Variants in ATIC observed in about 807,000 individuals in gnomAD.
ATIC encodes the protein bifunctional purine biosynthesis protein ATIC.
A neutral mutation model predicts 72.5 loss-of-function variants in ATIC; 64 were observed. That is an observed-to-expected ratio of 0.88 (90% confidence interval 0.72 to 1.09). ATIC has a LOEUF of 1.09. ATIC is among the 50% of genes least tolerant of loss of function. The probability of loss-of-function intolerance (pLI) is 0.00; values close to 1 mark genes in which losing one functional copy is unlikely to be tolerated. For synonymous variants in ATIC, 281 were observed against 267.1 expected (o/e 1.05, Z -0.51); for missense variants, 787 against 732.4 (o/e 1.07, Z -0.86).
At position 215,312,707 on chromosome 2, in the gene ATIC, G is replaced by C. The variant is rs1015993797; in HGVS notation, c.146+83G>C. ...GTATTCCAGGCACCAGCAGCAAAAC[G>C]CCTTATTTACTCCTCCCAGTAGCGC... On this transcript the variant is annotated intron_variant, in intron 2 of 15. Coordinates refer to ENST00000236959, the MANE Select transcript of ATIC (RefSeq NM_004044.7). 10 of 1,598,132 alleles carry C rather than the reference G, an allele frequency of 6.3e-6. No individual in the cohort carries two copies. The African/African-American group carries it at 1.2e-4, about 19-fold the overall frequency.
chr2:215,334,888 G>T, intron 9 of ATIC, 31 bp from the exon 10 acceptor site: 6 of 1,557,948 alleles, frequency 3.9e-6, no homozygotes, highest in Non-Finnish European at 5.3e-6. Flanking sequence ...GATACTTTGT[G>T]ATAAATACCT....
chr2:215,367,417 G>A, the ATIC span, among the ~76,000 whole-genome samples: 3 of 152,244 alleles, frequency 2.0e-5, no homozygotes, highest in Non-Finnish European at 4.4e-5. Flanking sequence ...GTGTGCATGG[G>A]TACTATGATA....
At chr2:215,364,841 T>TA in the ATIC span, 2 of 1,398,266 alleles carry the variant, frequency 1.4e-6, no homozygotes, top group Non-Finnish European at 2.0e-6. Flanking sequence ...CCCTTTATCT[T>TA]ATCTAACTTG....
chr2:215,328,422 C>A (rs568437804), intron 7 of ATIC, among the ~76,000 whole-genome samples: 1 of 152,254 alleles, frequency 6.6e-6, no homozygotes, highest in Non-Finnish European at 1.5e-5. Flanking sequence ...CTATCTGCCC[C>A]CTCAGCAGCT....
chr2:215,348,906 C>G (rs756748149), intron 14 of ATIC, 188 bp from the exon 15 acceptor site: 1 of 387,564 alleles, frequency 2.6e-6, no homozygotes, highest in Non-Finnish European at 4.4e-6. Flanking sequence ...TGCGGTGAGC[C>G]GAGATCGCAC....
At chr2:215,328,341 T>C (rs1315235445) in intron 7 of ATIC, among the ~76,000 whole-genome samples, 1 of 152,192 alleles carries the variant, frequency 6.6e-6, no homozygotes. Context: ...CAGACCCTAC[T>C]TAAAGCCATT....
chr2:215,331,340 A>G (rs1013923757), intron 7 of ATIC, among the ~76,000 whole-genome samples: 1 of 151,086 alleles, frequency 6.6e-6, no homozygotes, highest in Non-Finnish European at 1.5e-5. Flanking sequence ...AAACTATCTT[A>G]ACCCATGAAG....
chr2:215,365,743 T>C, the ATIC span: 13 of 911,222 alleles, frequency 1.4e-5, no homozygotes, highest in East Asian at 1.6e-4. Context: ...TCTGGAAAAA[T>C]AGCAAGTTAA....
rs759794322 is a variant in ATIC at position 215,345,013 on chromosome 2, A to C, written c.1320+142A>C. On this transcript the variant is annotated intron_variant, in intron 13 of 15. Coordinates refer to ENST00000236959, the MANE Select transcript of ATIC (RefSeq NM_004044.7). ...CTTTTGTGTTTGTCAGTGTTTCCTC[A>C]GTACCCTGGTGGGCTGTTAAAACTA... The C allele has an allele frequency of 2.0e-5, 18 of 881,204 alleles. No individual in the cohort carries two copies. The South Asian group carries it at 2.3e-4, about 11-fold the overall frequency. The allele number at this position is 881,204 out of a possible 1,614,324, so 54.6% of individuals were successfully genotyped here.
At position 215,349,216 on chromosome 2, in the gene ATIC, C is replaced by G; in HGVS notation, c.1626C>G (p.Phe542Leu). The change falls in exon 15 of 16, where the codon TTC (phenylalanine) becomes TTG (leucine). Residue 542 changes from phenylalanine (F) to leucine (L), a missense_variant. Transcript: ENST00000236959. The stretch of plus-strand genomic sequence containing the variant: ...TTTCTATCAGCTCTGATGCCTTCTT[C>G]CCTTTCCGAGATAACGTAGACAGAG... ...TEVSISSDAF[F>L]PFRDNVDRAK... 1 of 1,614,126 alleles carries G rather than the reference C, an allele frequency of 6.2e-7. No homozygotes were observed. Among genetic ancestry groups the G allele is most frequent in the Middle Eastern group, 1.6e-4 (1 of 6,062 alleles).
At chr2:215,354,230 A>G (rs1477230392), downstream of ATIC, among the ~76,000 whole-genome samples, 1 of 151,806 alleles carries the variant, frequency 6.6e-6, no homozygotes, top group Non-Finnish European at 1.5e-5. Context: ...GGGTTTCACC[A>G]TGTTGTCCAG....
intron 9 of ATIC, among the ~76,000 whole-genome samples, 194 bp downstream of exon 9, chr2:215,333,651 C>A (rs10932606): frequency 6.6e-6 from 1 of 151,936 alleles, no homozygotes; most frequent in South Asian, 2.1e-4. Flanking sequence ...GTAAAATACC[C>A]TTTGTTTCAT....
At chr2:215,313,028 C>T (rs2052671718) in intron 2 of ATIC, among the ~76,000 whole-genome samples, 1 of 148,060 alleles carries the variant, frequency 6.8e-6, no homozygotes, top group Non-Finnish European at 1.5e-5. Flanking sequence ...ACCTAGGAGG[C>T]GGAGGTTGTG....
At chr2:215,353,860 C>T (rs928290700), downstream of ATIC, among the ~76,000 whole-genome samples, 1 of 151,674 alleles carries the variant, frequency 6.6e-6, no homozygotes, top group African/African-American at 2.4e-5. Context: ...CTGCACCTGG[C>T]CAACTAAGGA....
the ATIC span, among the ~76,000 whole-genome samples, chr2:215,357,753 T>C: frequency 2.6e-5 from 4 of 152,302 alleles, 2 homozygotes; most frequent in Admixed American, 1.3e-4. Flanking sequence ...AAAACTTCCT[T>C]AGTTTCTGCA....
chr2:215,342,932 G>A (rs1261756660), intron 12 of ATIC, among the ~76,000 whole-genome samples: 1 of 152,220 alleles, frequency 6.6e-6, no homozygotes, highest in East Asian at 1.9e-4. Flanking sequence ...ACCCGCCTGG[G>A]ATTACAGGCA....
intron 14 of ATIC, chr2:215,347,158 G>A: frequency 1.7e-6 from 1 of 602,556 alleles, no homozygotes; most frequent in South Asian, 1.9e-5. Flanking sequence ...TGAAACCACA[G>A]TCCTCTGTCT....
chr2:215,365,748 A>C, the ATIC span: 2 of 842,752 alleles, frequency 2.4e-6, no homozygotes, highest in Non-Finnish European at 3.8e-6. Flanking sequence ...AAAAATAGCA[A>C]GTTAAAGATA....
At chr2:215,356,467 G>A in the ATIC span, among the ~76,000 whole-genome samples, 1 of 152,098 alleles carries the variant, frequency 6.6e-6, no homozygotes, top group Admixed American at 6.5e-5. Flanking sequence ...TTTATGTAAC[G>A]TAAAATTCAC....
Sources: allele counts gnomAD v4.1 joint callset (sites outside exome capture counted in the v4.1 genomes callset), GRCh38; gene constraint gnomAD v4.1.1; transcripts MANE v1.5; gene names NCBI Gene and HGNC (gene_info 2026-07-23, HGNC 2026-07-21).